Variants in PCDHGA7 observed in about 807,000 individuals in gnomAD.
The protein encoded by PCDHGA7 is protocadherin gamma-A7.
PCDHGA7 carries 44 observed loss-of-function variants against 58.3 expected under a neutral mutation model. The observed-to-expected ratio is 0.75, with a 90% CI of 0.59 to 0.97. The LOEUF (loss-of-function observed/expected upper bound fraction) is 0.97, where lower values mean the gene tolerates loss of function less well. PCDHGA7 is among the 50% of genes least tolerant of loss of function. PCDHGA7 has a pLI of 0.00. For synonymous variants in PCDHGA7, 516 were observed against 504.2 expected, an observed-to-expected ratio of 1.02 and a Z score of -0.31; for missense variants, 1,266 against 1,188.7, an observed-to-expected ratio of 1.06 and a Z score of -0.96.
At chr5:141,395,620 CAAG>C (rs1298520628) in intron 1 of PCDHGA7, 1 of 189,326 alleles carries the variant, frequency 5.3e-6, no homozygotes, top group Non-Finnish European at 1.1e-5. Flanking sequence ...AGAAAATTAT[CAAG>C]AAGTCTAAAG....
rs539727453 is a variant in PCDHGA7 at position 141,487,510 on chromosome 5, C to G, written c.2425-7297C>G. ...GCTGTACACCCTTGGCTTCTGCACC[C>G]ACTCGGAGTGATAGCTTCATGATGG... On this transcript the variant is annotated intron_variant, in intron 1 of 3. Coordinates refer to ENST00000518325, the MANE Select transcript of PCDHGA7 (RefSeq NM_018920.4). This position sits in a 1 kb window ranked among gnomAD's most constrained non-coding sequence, Gnocchi z 5.0. The G allele has an allele frequency of 2.5e-6, 4 of 1,614,210 alleles. No homozygotes were observed. The highest frequency in any genetic ancestry group is 2.2e-5 in the East Asian group (1 of 44,860).
chr5:141,418,620 A>T lies in PCDHGA7; in HGVS notation c.2424+33297A>T, dbSNP rs762197476. 180 of 1,613,904 alleles carry T rather than the reference A, an allele frequency of 1.1e-4. No homozygotes were observed. The highest frequency in any genetic ancestry group is 1.5e-4 in the Non-Finnish European group (172 of 1,179,900). On this transcript the variant is annotated intron_variant, in intron 1 of 3. Coordinates refer to ENST00000518325, the MANE Select transcript of PCDHGA7 (RefSeq NM_018920.4). The stretch of plus-strand genomic sequence containing the variant: ...GTGTACAGGGTTAGCCTTCGGGAAG[A>T]CGTGCCTCCAGGCACCTCCATCCTG...
Position 141,432,323 on chromosome 5 carries a change from T to C in PCDHGA7, c.2424+47000T>C, listed in dbSNP as rs1198710959. The C allele has an allele frequency of 3.4e-5, 55 of 1,614,214 alleles. No individual in the cohort carries two copies. Among genetic ancestry groups the C allele is most frequent in the Non-Finnish European group, 4.7e-5 (55 of 1,180,028 alleles). On this transcript the variant is annotated intron_variant, in intron 1 of 3. Transcript: ENST00000518325. This position sits in a 1 kb window ranked among gnomAD's most constrained non-coding sequence, Gnocchi z 6.0. ...ACTGTATGCGCTGAGCTCCTTCGAC[T>C]ACGAGCAGTTCCGAGACTTGCAAGT...
In PCDHGA7 at chr5:141,383,137, C is replaced by T; in HGVS notation, c.238C>T (p.Arg80Cys). The stretch of plus-strand genomic sequence containing the variant: ...GACGCAGCTTTTCGCCCTGAACCAG[C>T]GCAGCGGCAGCTTGGTCACTGCGGG... ...GRTQLFALNQRSGSLVTAGRI... is the reference protein window; with the variant it reads ...GRTQLFALNQCSGSLVTAGRI... Residue 80 changes from arginine (R) to cysteine (C), a missense_variant, in exon 1 of 4, where the codon CGC becomes TGC. Physicochemically the swap from Arg to Cys is radical, Grantham distance 180. Transcript: ENST00000518325. The T allele has an allele frequency of 6.2e-7, 1 of 1,614,112 alleles. No homozygotes were observed. The highest frequency in any genetic ancestry group is 8.5e-7 in the Non-Finnish European group (1 of 1,179,986).
At position 141,418,056 on chromosome 5, in the gene PCDHGA7, T is replaced by G. The variant is rs199996434; in HGVS notation, c.2424+32733T>G. ...GTCCTGGATGTGTCGGCTCGCGAGC[T>G]GCGAGTGAGCGCGGAGAAGCTGCAC... is the stretch of plus-strand genomic sequence containing the variant. On this transcript the variant is annotated intron_variant, in intron 1 of 3. Coordinates refer to ENST00000518325, the MANE Select transcript of PCDHGA7 (RefSeq NM_018920.4). 5.0e-5 allele frequency: 80 copies of G among 1,613,976 alleles called. No individual in the cohort carries two copies. The African/African-American group carries it at 7.5e-4, about 15-fold the overall frequency.
At position 141,440,639 on chromosome 5, in the gene PCDHGA7, T is replaced by C. The variant is rs2098191350; in HGVS notation, c.2425-54168T>C. On this transcript the variant is annotated intron_variant, in intron 1 of 3. Coordinates refer to ENST00000518325, the MANE Select transcript of PCDHGA7 (RefSeq NM_018920.4). ...GATCCTGATGTTGAGAGAAATTCCT[T>C]ACAAAATTATCACCTTAGCAGCAAC... 2 of 152,192 alleles carry C rather than the reference T, an allele frequency of 1.3e-5. 1 individual carries two copies. The highest frequency in any genetic ancestry group is 4.8e-5 in the African/African-American group (2 of 41,440). The allele number at this position is 152,192 out of a possible 1,614,324, so 9.4% of individuals were successfully genotyped here.
intron 1 of PCDHGA7, chr5:141,423,540 C>T (rs961504938): frequency 6.2e-7 from 1 of 1,613,606 alleles, no homozygotes; most frequent in Non-Finnish European, 8.5e-7. Context: ...ACCTGATTTT[C>T]CCCCAGCCCA....
At chr5:141,482,801 G>C (rs1230060558) in intron 1 of PCDHGA7, among the ~76,000 whole-genome samples, 1 of 152,176 alleles carries the variant, frequency 6.6e-6, no homozygotes, top group African/African-American at 2.4e-5. Flanking sequence ...GCCGGGTACG[G>C]TGGCTCATGC....
chr5:141,486,843 A>G lies in PCDHGA7; in HGVS notation c.2425-7964A>G, dbSNP rs1455684942. On this transcript the variant is annotated intron_variant, in intron 1 of 3. Coordinates refer to ENST00000518325, the MANE Select transcript of PCDHGA7 (RefSeq NM_018920.4). The surrounding 1 kb of genome is among the most constrained non-coding windows in gnomAD (Gnocchi z 5.0). ...GTAACAGTTCGTCTATTTGTGCTGG[A>G]CCTCAATGACAATGCTCCAGCTGTG... 6.2e-7 allele frequency: 1 copy of G among 1,614,214 alleles called. No homozygotes were observed. Among genetic ancestry groups the G allele is most frequent in the Admixed American group, 1.7e-5 (1 of 60,034 alleles).
intron 1 of PCDHGA7, chr5:141,413,527 G>T (rs768496934): frequency 1.2e-6 from 2 of 1,613,820 alleles, no homozygotes; most frequent in African/African-American, 1.3e-5. Flanking sequence ...GGAAGACAGG[G>T]TGAAACTTTT....
chr5:141,489,915 C>T lies in PCDHGA7; in HGVS notation c.2425-4892C>T, dbSNP rs971312502. On this transcript the variant is annotated intron_variant, in intron 1 of 3. Coordinates refer to ENST00000518325, the MANE Select transcript of PCDHGA7 (RefSeq NM_018920.4). This position sits in a 1 kb window ranked among gnomAD's most constrained non-coding sequence, Gnocchi z 4.5. ...GGGGGACCCCAGCCCGCTCAGGGAC[C>T]ACCCTTATCTCTGTCATCGTGCTGG... The T allele has an allele frequency of 6.2e-7, 1 of 1,614,242 alleles. No individual in the cohort carries two copies. Among genetic ancestry groups the T allele is most frequent in the Non-Finnish European group, 8.5e-7 (1 of 1,180,044 alleles).
At chr5:141,410,085 C>T (rs533911183) in intron 1 of PCDHGA7, 29 of 1,612,476 alleles carry the variant, frequency 1.8e-5, no homozygotes, top group South Asian at 1.1e-5. Flanking sequence ...GAGGTGCGCA[C>T]GGCTCGAGCC....
chr5:141,458,873 C>T (rs1278498446), intron 1 of PCDHGA7, among the ~76,000 whole-genome samples: 2 of 152,148 alleles, frequency 1.3e-5, no homozygotes, highest in African/African-American at 4.8e-5. Context: ...GCTGGGACTA[C>T]AGGCATGCAC....
chr5:141,481,619 A>T (rs1303171847), intron 1 of PCDHGA7, among the ~76,000 whole-genome samples: 1 of 152,128 alleles, frequency 6.6e-6, no homozygotes, highest in Non-Finnish European at 1.5e-5. Flanking sequence ...GGAGTTCAAG[A>T]CCGGCCTGGC....
chr5:141,384,793 C>T lies in PCDHGA7; in HGVS notation c.1894C>T (p.Leu632=), dbSNP rs1780512284. The part of the protein sequence containing the change: ...YTGEVRTARA[L]LDRDALKQSL... ...GGGCGAGGTGCGCACGGCTCGGGCCCTGCTGGACAGAGATGCCCTCAAGCA... is the reference window on the plus strand; with the variant it reads ...GGGCGAGGTGCGCACGGCTCGGGCCTTGCTGGACAGAGATGCCCTCAAGCA... The change falls in exon 1 of 4, where the codon CTG becomes TTG. Residue 632 remains leucine (L), a synonymous_variant. Coordinates refer to ENST00000518325, the MANE Select transcript of PCDHGA7 (RefSeq NM_018920.4). The T allele has an allele frequency of 1.9e-6, 3 of 1,613,400 alleles. No individual in the cohort carries two copies. The highest frequency in any genetic ancestry group is 2.5e-6 in the Non-Finnish European group (3 of 1,179,908).
In PCDHGA7 at chr5:141,433,198, A is replaced by G. The variant is rs373769649; in HGVS notation, c.2424+47875A>G. 11 of 1,581,706 alleles carry G rather than the reference A, an allele frequency of 7.0e-6. No individual in the cohort carries two copies. The African/African-American group carries it at 1.1e-4, about 16-fold the overall frequency. On this transcript the variant is annotated intron_variant, in intron 1 of 3. Coordinates refer to ENST00000518325, the MANE Select transcript of PCDHGA7 (RefSeq NM_018920.4). ...GGTTAATTGAGGTGAGTTTATATCA[A>G]ATCTTCTTTCTTTTTTTTTTTTAAT...
chr5:141,475,572 C>T (rs2099365596), intron 1 of PCDHGA7, among the ~76,000 whole-genome samples: 1 of 152,214 alleles, frequency 6.6e-6, no homozygotes, highest in South Asian at 2.1e-4. Context: ...TTCCAACAAG[C>T]CAGATTTGTT....
intron 1 of PCDHGA7, among the ~76,000 whole-genome samples, chr5:141,425,997 A>T (rs1365887915): frequency 6.6e-6 from 1 of 152,174 alleles, no homozygotes; most frequent in African/African-American, 2.4e-5. Context: ...GAATTAGCAA[A>T]GGCTTCCGGC....
intron 1 of PCDHGA7, chr5:141,392,935 A>G: frequency 1.2e-6 from 2 of 1,613,932 alleles, no homozygotes; most frequent in Non-Finnish European, 1.7e-6. Flanking sequence ...GAGACGGACA[A>G]AGGCTCCTTC....
Sources: gnomAD v4.1 joint callset for allele counts (sites outside exome capture counted in the v4.1 genomes callset) on GRCh38, gnomAD v4.1.1 for gene constraint, Gnocchi (gnomAD v3.1) non-coding constraint, MANE v1.5 for transcripts, NCBI Gene and HGNC (gene_info 2026-07-23, HGNC 2026-07-21) for gene names.